Variants in CELF2 observed in about 807,000 individuals in gnomAD.
CELF2 encodes CUGBP Elav-like family member 2.
A neutral mutation model predicts 62.6 loss-of-function variants in CELF2; 8 were observed. The ratio of observed to expected loss-of-function variants is 0.13; its 90% CI spans 0.07 to 0.23. The LOEUF (loss-of-function observed/expected upper bound fraction) is 0.23. Among genes scored for constraint, CELF2 ranks in the 10% least tolerant of loss-of-function variants. The pLI is 1.00. For missense variants in CELF2, 333 were observed against 671.0 expected (o/e 0.50, Z 5.56); for synonymous variants, 258 against 250.0 (o/e 1.03, Z -0.30).
intron 3 of CELF2, among the ~76,000 whole-genome samples, chr10:11,230,223 C>T (rs999187725): frequency 6.6e-6 from 1 of 152,150 alleles, no homozygotes; most frequent in South Asian, 2.1e-4. Flanking sequence ...GTGACAGATA[C>T]GTTAACTAGC....
intron 2 of CELF2, among the ~76,000 whole-genome samples, chr10:10,996,589 C>G (rs566781976): frequency 6.6e-6 from 1 of 152,310 alleles, no homozygotes; most frequent in African/African-American, 2.4e-5. Context: ...ATAAAGAATT[C>G]ATGATCTCAT....
At chr10:10,975,290 T>A (rs935353719) in intron 2 of CELF2, among the ~76,000 whole-genome samples, 2 of 152,130 alleles carry the variant, frequency 1.3e-5, no homozygotes, top group Admixed American at 6.5e-5. Flanking sequence ...GCTAATTTTT[T>A]AATTTTTAGT....
the CELF2 span, among the ~76,000 whole-genome samples, chr10:10,576,881 C>T: frequency 6.6e-6 from 1 of 152,238 alleles, no homozygotes; most frequent in African/African-American, 2.4e-5. Context: ...ATGTGGTGCT[C>T]CTGAGGCCTA....
intron 2 of CELF2, among the ~76,000 whole-genome samples, chr10:10,989,174 T>A (rs2053156326): frequency 6.6e-6 from 1 of 152,148 alleles, no homozygotes; most frequent in African/African-American, 2.4e-5. Flanking sequence ...CTAAATACAT[T>A]AAATTTTTCC....
At chr10:11,183,845 G>A (rs950930770) in intron 2 of CELF2, among the ~76,000 whole-genome samples, 6 of 152,000 alleles carry the variant, frequency 3.9e-5, no homozygotes, top group African/African-American at 2.4e-5. Context: ...CTAGATACAC[G>A]TTTTGCAAAT....
the CELF2 span, among the ~76,000 whole-genome samples, chr10:10,564,259 C>T: frequency 2.0e-5 from 3 of 152,176 alleles, no homozygotes; most frequent in Admixed American, 2.0e-4. Context: ...ATGGCAATTA[C>T]CGCAACACAT....
rs575289012 is a variant in CELF2, at chr10:11,050,507, G to T, written c.74+32344G>T. On this transcript the variant is annotated intron_variant, in intron 1 of 12. Transcript: ENST00000633077. ...TGTCGGTTCTAATTTGGTTCTGCTG[G>T]ACTGTAGCAGCTCCTGCTGCTGGTG... 3.9e-5 allele frequency among the ~76,000 whole-genome samples: 6 copies of T among 152,326 alleles called. No homozygotes were observed. The South Asian group carries it at 1.2e-3, about 32-fold the overall frequency.
chr10:10,545,681 C>T, the CELF2 span, among the ~76,000 whole-genome samples: 1 of 152,094 alleles, frequency 6.6e-6, no homozygotes, highest in African/African-American at 2.4e-5. Context: ...CACACGCACA[C>T]TAAAATATAC....
intron 1 of CELF2, among the ~76,000 whole-genome samples, chr10:11,128,602 A>G (rs2059114603): frequency 1.3e-5 from 2 of 151,998 alleles, no homozygotes; most frequent in South Asian, 2.1e-4. Context: ...CATCCCTTGT[A>G]ATTTGGATTC....
the CELF2 span, among the ~76,000 whole-genome samples, chr10:10,561,202 A>G: frequency 1.3e-5 from 2 of 152,174 alleles, no homozygotes; most frequent in African/African-American, 4.8e-5. Flanking sequence ...TATTGGAAAA[A>G]AAAAGAATTT....
chr10:11,329,329 C>CTT lies in CELF2; in HGVS notation c.*284_*285dup. 4 of 234,902 alleles carry CTT rather than the reference C, an allele frequency of 1.7e-5. No individual in the cohort carries two copies. The highest frequency in any genetic ancestry group is 1.3e-3 in the Middle Eastern group (1 of 762). 14.6% of individuals were successfully genotyped at this position (234,902 alleles called of 1,614,324 possible). ...TTTTGCGATTTGAATCTCCTTTTAC[C>CTT]TTTTTTTTTAATTTTTTTCATTTTT... On this transcript the variant is annotated 3_prime_UTR_variant, in exon 13 of 13. Transcript: ENST00000633077. The surrounding 1 kb of genome is among the most constrained non-coding windows in gnomAD (Gnocchi z 5.5).
rs1226043087 is a variant in CELF2, at chr10:11,214,997, A to G, written c.272-2428A>G. Among the ~76,000 whole-genome samples, 1 of 152,108 alleles carries G rather than the reference A, an allele frequency of 6.6e-6. No individual in the cohort carries two copies. Among genetic ancestry groups the G allele is most frequent in the Non-Finnish European group, 1.5e-5 (1 of 68,014 alleles). ...CCACCCTGCTTAGATACCAGCTTCA[A>G]TCTGTCCGTTTCTGAAAAACAAAAA... On this transcript the variant is annotated intron_variant, in intron 2 of 12. Transcript: ENST00000633077. This position sits in a 1 kb window ranked among gnomAD's most constrained non-coding sequence, Gnocchi z 4.2.
rs2056378257 is a variant in CELF2 at position 11,011,061 on chromosome 10, A to T, written c.53+5621A>T. ...TTCTGTACCCTCATTTGTTCACCTTACAGCTGAGGAGGTCTTTGAATTAAA... is the reference window on the plus strand; with the variant it reads ...TTCTGTACCCTCATTTGTTCACCTTTCAGCTGAGGAGGTCTTTGAATTAAA... On this transcript the variant is annotated intron_variant, in intron 1 of 12. Transcript: ENST00000416382. This position sits in a 1 kb window ranked among gnomAD's most constrained non-coding sequence, Gnocchi z 4.6. The T allele has an allele frequency of 6.6e-6, 1 of 152,234 alleles. No individual in the cohort carries two copies. Among genetic ancestry groups the T allele is most frequent in the Non-Finnish European group, 1.5e-5 (1 of 68,048 alleles). The allele number at this position is 152,234 out of a possible 1,614,324, so 9.4% of individuals were successfully genotyped here. A position where few individuals can be genotyped will look rare whatever the true frequency, so the allele number is the denominator to read the frequency against.
intron 1 of CELF2, among the ~76,000 whole-genome samples, chr10:11,121,838 C>T (rs1161722933): frequency 6.6e-6 from 1 of 152,088 alleles, no homozygotes; most frequent in African/African-American, 2.4e-5. Context: ...ATACACGGAG[C>T]CCAGCATGCT....
At chr10:10,575,552 T>C in the CELF2 span, among the ~76,000 whole-genome samples, 1 of 152,206 alleles carries the variant, frequency 6.6e-6, no homozygotes, top group Non-Finnish European at 1.5e-5. Flanking sequence ...CATAACCTTT[T>C]CCACCATCAC....
At chr10:11,219,493 T>A (rs1439190251) in intron 3 of CELF2, among the ~76,000 whole-genome samples, 1 of 152,188 alleles carries the variant, frequency 6.6e-6, no homozygotes, top group African/African-American at 2.4e-5. Context: ...TTTGGTTTTC[T>A]CCTTATCTAG....
At chr10:11,317,229 T>C (rs2140763721) in intron 10 of CELF2, 1 of 152,184 alleles carries the variant, frequency 6.6e-6, no homozygotes, top group South Asian at 2.1e-4. Context: ...TATGGAAATA[T>C]TTTCTGTGAA....
chr10:10,883,479 C>T (rs931564051), intron 1 of CELF2, among the ~76,000 whole-genome samples: 6 of 152,150 alleles, frequency 3.9e-5, no homozygotes, highest in Non-Finnish European at 7.3e-5. Context: ...GTGTTGTCTA[C>T]GGAAACTGGC....
At chr10:10,713,367 C>A in the CELF2 span, among the ~76,000 whole-genome samples, 2 of 152,322 alleles carry the variant, frequency 1.3e-5, no homozygotes, top group African/African-American at 4.8e-5. Flanking sequence ...GTCCCCAGAG[C>A]CTAGAACAGT....
Sources: allele counts gnomAD v4.1 joint callset (sites outside exome capture counted in the v4.1 genomes callset), GRCh38; gene constraint gnomAD v4.1.1; non-coding constraint Gnocchi (gnomAD v3.1); transcripts MANE v1.5; gene names NCBI Gene and HGNC (gene_info 2026-07-23, HGNC 2026-07-21).